Variants in ERC2 observed in about 807,000 individuals in gnomAD.
The protein encoded by ERC2 is ELKS/RAB6-interacting/CAST family member 2.
A neutral mutation model predicts 114.8 loss-of-function variants in ERC2; 42 were observed. The observed-to-expected ratio is 0.37, with a 90% CI of 0.29 to 0.47. The LOEUF is 0.47. Among genes scored for constraint, ERC2 ranks in the 20% least tolerant of loss-of-function variants. The pLI is 0.99. For missense variants in ERC2, 939 were observed against 1,150.7 expected (o/e 0.82, Z 2.66); for synonymous variants, 454 against 425.5 (o/e 1.07, Z -0.82).
intron 17 of ERC2, among the ~76,000 whole-genome samples, chr3:55,558,232 G>T (rs2055755934): frequency 6.6e-6 from 1 of 152,148 alleles, no homozygotes; most frequent in Non-Finnish European, 1.5e-5. Flanking sequence ...CTATTAATAG[G>T]TAGAACAATG....
chr3:56,406,291 T>C (rs900138023), intron 2 of ERC2, among the ~76,000 whole-genome samples: 1 of 152,208 alleles, frequency 6.6e-6, no homozygotes, highest in Admixed American at 6.5e-5. Flanking sequence ...TGTGGGTTTG[T>C]TTATCCTACG....
At position 56,215,829 on chromosome 3, in the gene ERC2, A is replaced by G. The variant is rs2049429651; in HGVS notation, c.1075-42309T>C. ...CAGTGCAATCAAACTAGAACTCAGGATTAAGAAACTCACTCAAAACCGCTC... is the reference window on the plus strand; with the variant it reads ...CAGTGCAATCAAACTAGAACTCAGGGTTAAGAAACTCACTCAAAACCGCTC... On this transcript the variant is annotated intron_variant, in intron 3 of 17. Coordinates refer to ENST00000288221, the MANE Select transcript of ERC2 (RefSeq NM_015576.3). Among the ~76,000 whole-genome samples, 4 of 152,244 alleles carry G rather than the reference A, an allele frequency of 2.6e-5. No individual in the cohort carries two copies. In the South Asian group the frequency reaches 8.3e-4, roughly 32 times the overall value.
chr3:55,647,866 T>C (rs888042659), intron 17 of ERC2, among the ~76,000 whole-genome samples: 1 of 152,374 alleles, frequency 6.6e-6, no homozygotes, highest in East Asian at 1.9e-4. Flanking sequence ...AAAGCGCAGC[T>C]GGCTGTGGTC....
At chr3:56,340,091 A>G (rs2058027541) in intron 2 of ERC2, among the ~76,000 whole-genome samples, 1 of 152,216 alleles carries the variant, frequency 6.6e-6, no homozygotes, top group Non-Finnish European at 1.5e-5. Flanking sequence ...ATTAAATCCT[A>G]TGATTTGGTA....
chr3:55,950,312 G>A, intron 13 of ERC2, 113 bp downstream of exon 13: 1 of 1,363,370 alleles, frequency 7.3e-7, no homozygotes, highest in South Asian at 1.4e-5. Flanking sequence ...GCTAGACTCA[G>A]GGCAAAGGCA....
chr3:55,520,299 G>A (rs944036595), intron 17 of ERC2, among the ~76,000 whole-genome samples: 1 of 151,976 alleles, frequency 6.6e-6, no homozygotes, highest in African/African-American at 2.4e-5. Context: ...AGCCGGGCAT[G>A]GTGGCAGGTG....
chr3:56,076,169 A>G (rs2076967615), intron 7 of ERC2, among the ~76,000 whole-genome samples: 1 of 152,170 alleles, frequency 6.6e-6, no homozygotes, highest in Admixed American at 6.6e-5. Context: ...AGAGATCGCC[A>G]TCTGTTTTTC....
intron 11 of ERC2, among the ~76,000 whole-genome samples, chr3:55,986,526 G>T (rs532770205): frequency 6.6e-6 from 1 of 152,192 alleles, no homozygotes; most frequent in African/African-American, 2.4e-5. Context: ...TCGGTTCAAA[G>T]ATTTCCATTT....
intron 14 of ERC2, among the ~76,000 whole-genome samples, chr3:55,868,516 G>A (rs1040992356): frequency 1.3e-5 from 2 of 152,236 alleles, no homozygotes. Context: ...TCTGGTAGCA[G>A]AAGCTGGCTC....
intron 7 of ERC2, among the ~76,000 whole-genome samples, chr3:56,057,279 T>C (rs2076057257): frequency 6.6e-6 from 1 of 152,216 alleles, no homozygotes; most frequent in African/African-American, 2.4e-5. Flanking sequence ...CTGCCATCCA[T>C]CCACAGAATG....
At chr3:55,608,628 A>T (rs1349412323) in intron 17 of ERC2, among the ~76,000 whole-genome samples, 1 of 152,182 alleles carries the variant, frequency 6.6e-6, no homozygotes, top group Non-Finnish European at 1.5e-5. Flanking sequence ...GAAAAAATAA[A>T]ATGAGAAATT....
chr3:55,670,075 C>T (rs528485028), intron 17 of ERC2, among the ~76,000 whole-genome samples: 5 of 152,286 alleles, frequency 3.3e-5, no homozygotes, highest in Admixed American at 2.6e-4. Context: ...ACCACTATTA[C>T]GTTTGATCTT....
intron 13 of ERC2, among the ~76,000 whole-genome samples, chr3:55,944,376 G>C (rs1284723177): frequency 6.6e-6 from 1 of 152,202 alleles, no homozygotes; most frequent in East Asian, 1.9e-4. Context: ...TTGATTAAGA[G>C]TAAACCTCTC....
intron 13 of ERC2, among the ~76,000 whole-genome samples, chr3:55,908,383 C>T (rs2064592317): frequency 6.6e-6 from 1 of 151,932 alleles, no homozygotes; most frequent in Non-Finnish European, 1.5e-5. Flanking sequence ...GTGGAAAGAG[C>T]ATTCTAGCAA....
intron 12 of ERC2, chr3:55,955,265 TGTGTGTGTGTGTG>T: frequency 2.4e-6 from 1 of 419,332 alleles, no homozygotes; most frequent in South Asian, 1.7e-5. Flanking sequence ...TGTGTGTGTG[TGTGTGTGTGTGTG>T]TGTGTGTGTG....
intron 6 of ERC2, among the ~76,000 whole-genome samples, chr3:56,133,108 G>A (rs1255497873): frequency 3.9e-5 from 6 of 152,128 alleles, no homozygotes; most frequent in Admixed American, 6.5e-5. Context: ...CACCTGTCAA[G>A]ACAGAATTAT....
At chr3:55,904,909 T>C (rs1024877988) in intron 13 of ERC2, among the ~76,000 whole-genome samples, 12 of 152,258 alleles carry the variant, frequency 7.9e-5, no homozygotes, top group South Asian at 2.1e-4. Context: ...TGCTAAGGTT[T>C]AACTTACAGT....
At position 55,892,776 on chromosome 3, in the gene ERC2, TC is replaced by T. The variant is rs549346937; in HGVS notation, c.2404-4228del. Among the ~76,000 whole-genome samples the T allele has an allele frequency of 1.3e-3, 196 of 152,280 alleles. 1 individual carries two copies. Among genetic ancestry groups the T allele is most frequent in the Non-Finnish European group, 2.1e-3 (143 of 68,032 alleles). On this transcript the variant is annotated intron_variant, in intron 13 of 17. Coordinates refer to ENST00000288221, the MANE Select transcript of ERC2 (RefSeq NM_015576.3). ...TATAATTGATATATGATGAGAATTT[TC>T]TTTTGTAATTAAATTGTCTTTTGGA...
chr3:55,659,755 C>G (rs1222901729), intron 17 of ERC2, among the ~76,000 whole-genome samples: 3 of 152,020 alleles, frequency 2.0e-5, no homozygotes, highest in African/African-American at 4.8e-5. Context: ...TATTTATGGA[C>G]ATAGGTAGGC....
Sources: allele counts gnomAD v4.1 joint callset (sites outside exome capture counted in the v4.1 genomes callset), GRCh38; gene constraint gnomAD v4.1.1; transcripts MANE v1.5; gene names NCBI Gene and HGNC (gene_info 2026-07-23, HGNC 2026-07-21).